Variants in LHFPL6 observed in about 807,000 individuals in gnomAD.
The protein encoded by LHFPL6 is LHFPL tetraspan subfamily member 6 protein.
A neutral mutation model predicts 20.6 loss-of-function variants in LHFPL6; 9 were observed. That is an observed-to-expected ratio of 0.44 (90% CI 0.26 to 0.76). The LOEUF is 0.76. LHFPL6 is among the 30% of genes least tolerant of loss of function. The probability of loss-of-function intolerance (pLI) is 0.20; values close to 1 mark genes in which losing one functional copy is unlikely to be tolerated. For missense variants in LHFPL6, 218 were observed against 253.5 expected (o/e 0.86, Z 0.95); for synonymous variants, 105 against 98.7 (o/e 1.06, Z -0.38).
chr13:39,404,319 C>A (rs1416446479), intron 2 of LHFPL6, among the ~76,000 whole-genome samples: 1 of 152,176 alleles, frequency 6.6e-6, no homozygotes, highest in Non-Finnish European at 1.5e-5. Context: ...TCACCCTGAT[C>A]CAACAAGCAA....
In LHFPL6 at chr13:39,352,968, C is replaced by CATAT. The variant is rs1303719891; in HGVS notation, c.485-8915_485-8914insATAT. Among the ~76,000 whole-genome samples, 45 of 85,934 alleles carry CATAT rather than the reference C, an allele frequency of 5.2e-4. 1 individual carries two copies. The highest frequency in any genetic ancestry group is 4.1e-4 in the Non-Finnish European group (20 of 48,972). 56.4% of individuals were successfully genotyped at this position (85,934 alleles called of 152,430 possible). A position where few individuals can be genotyped will look rare whatever the true frequency, so the allele number is the denominator to read the frequency against. ...ATATATATATACATACATACACACA[C>CATAT]ACACATATATATATATATATAATTT... On this transcript the variant is annotated intron_variant, in intron 3 of 3. Coordinates refer to ENST00000379589, the MANE Select transcript of LHFPL6 (RefSeq NM_005780.3).
At chr13:39,448,262 A>G (rs1195301307) in intron 2 of LHFPL6, among the ~76,000 whole-genome samples, 2 of 152,212 alleles carry the variant, frequency 1.3e-5, no homozygotes, top group Non-Finnish European at 2.9e-5. Flanking sequence ...GCTCTTGTCT[A>G]TTGGCCTCAG....
At chr13:39,455,907 T>C (rs1290418909) in intron 2 of LHFPL6, among the ~76,000 whole-genome samples, 3 of 152,230 alleles carry the variant, frequency 2.0e-5, no homozygotes, top group African/African-American at 7.2e-5. Context: ...AACCATGTTA[T>C]GAATACGGAA....
At chr13:39,567,624 C>G (rs549928253) in intron 2 of LHFPL6, among the ~76,000 whole-genome samples, 1 of 151,970 alleles carries the variant, frequency 6.6e-6, no homozygotes, top group East Asian at 1.9e-4. Flanking sequence ...TCTCCTCTTC[C>G]CTCTCCTCCT....
At chr13:39,415,360 G>T (rs1871322067) in intron 2 of LHFPL6, among the ~76,000 whole-genome samples, 1 of 152,152 alleles carries the variant, frequency 6.6e-6, no homozygotes, top group South Asian at 2.1e-4. Flanking sequence ...GTTCAGCAAA[G>T]TTGAGGAAAA....
rs1005671667 is a variant in LHFPL6 at position 39,562,455 on chromosome 13, T to C, written c.385+38377A>G. ...ACATATATACATATATACACATATATACATATATACACATATACACATATA... is the reference window on the plus strand; with the variant it reads ...ACATATATACATATATACACATATACACATATATACACATATACACATATA... On this transcript the variant is annotated intron_variant, in intron 2 of 3. Coordinates refer to ENST00000379589, the MANE Select transcript of LHFPL6 (RefSeq NM_005780.3). 5.9e-4 allele frequency among the ~76,000 whole-genome samples: 82 copies of C among 139,844 alleles called. 1 individual carries two copies. The highest frequency in any genetic ancestry group is 7.6e-4 in the Admixed American group (10 of 13,184). The allele number at this position is 139,844 out of a possible 152,430, so 91.7% of individuals were successfully genotyped here. A position where few individuals can be genotyped will look rare whatever the true frequency, so the allele number is the denominator to read the frequency against.
At chr13:39,549,648 G>T (rs1209231613) in intron 2 of LHFPL6, among the ~76,000 whole-genome samples, 2 of 152,082 alleles carry the variant, frequency 1.3e-5, no homozygotes, top group South Asian at 2.1e-4. Context: ...TAACCCAGCA[G>T]TCTTAATCCT....
In LHFPL6 at chr13:39,450,683, G is replaced by A. The variant is rs147718489; in HGVS notation, c.386-72157C>T. Among the ~76,000 whole-genome samples, 415 of 152,250 alleles carry A rather than the reference G, an allele frequency of 2.7e-3. 12 individuals carry two copies. In the East Asian group the frequency reaches 0.051, roughly 19 times the overall value. On this transcript the variant is annotated intron_variant, in intron 2 of 3. Transcript: ENST00000379589. ...GCTTCTTGATTTGAACCACTAAATA[G>A]TGGGGTTTTGGTAGGTCTGAACCAA... is the stretch of plus-strand genomic sequence containing the variant.
intron 2 of LHFPL6, among the ~76,000 whole-genome samples, chr13:39,393,488 G>A (rs1371115445): frequency 1.3e-5 from 2 of 152,198 alleles, no homozygotes; most frequent in African/African-American, 4.8e-5. Context: ...ATTCTGAGAA[G>A]TAGACGTGGT....
At chr13:39,452,233 G>A (rs940443074) in intron 2 of LHFPL6, among the ~76,000 whole-genome samples, 1 of 152,134 alleles carries the variant, frequency 6.6e-6, no homozygotes, top group Non-Finnish European at 1.5e-5. Context: ...TCCAGACAAG[G>A]CTTCACAGAA....
At chr13:39,393,550 C>T (rs117456254) in intron 2 of LHFPL6, among the ~76,000 whole-genome samples, 3,794 of 152,134 alleles carry the variant, frequency 0.025, 62 homozygotes, top group Non-Finnish European at 0.038. Flanking sequence ...AAAATGAAAA[C>T]AAGAGCAAGT....
intron 2 of LHFPL6, among the ~76,000 whole-genome samples, chr13:39,392,048 G>C (rs1268137603): frequency 6.6e-6 from 1 of 152,094 alleles, no homozygotes; most frequent in Non-Finnish European, 1.5e-5. Flanking sequence ...AACAAGTTTT[G>C]AAAGTACTTG....
At chr13:39,345,080 C>A (rs142810101) in intron 3 of LHFPL6, among the ~76,000 whole-genome samples, 1 of 152,168 alleles carries the variant, frequency 6.6e-6, no homozygotes, top group African/African-American at 2.4e-5. Flanking sequence ...ATTTTTCAGC[C>A]GGTCTTACCA....
At chr13:39,347,706 T>C (rs1869447160) in intron 3 of LHFPL6, among the ~76,000 whole-genome samples, 1 of 152,210 alleles carries the variant, frequency 6.6e-6, no homozygotes, top group South Asian at 2.1e-4. Flanking sequence ...GTTGTGAGTC[T>C]TGGGAATAAT....
intron 2 of LHFPL6, among the ~76,000 whole-genome samples, chr13:39,525,522 CTAATT>C (rs1336120485): frequency 6.6e-6 from 1 of 152,124 alleles, no homozygotes; most frequent in Non-Finnish European, 1.5e-5. Context: ...ACGTCACTCA[CTAATT>C]TAAGATCAAC....
intron 2 of LHFPL6, among the ~76,000 whole-genome samples, chr13:39,478,993 ATTTCT>A (rs1868402063): frequency 6.6e-6 from 1 of 150,970 alleles, no homozygotes. Flanking sequence ...ATAAAATGAG[ATTTCT>A]TTATTATATA....
Position 39,601,190 on chromosome 13 carries a change from T to C in LHFPL6, c.27A>G (p.Gly9=), listed in dbSNP as rs764062347. ...GAAAAGACAGCAAAGCCCAGATTAC[T>C]CCAGTACAAGTCAGGCTGGATGCCA... MASSLTCT[G]VIWALLSFLC... The change falls in exon 2 of 4, where the codon GGA becomes GGG. Residue 9 remains glycine, a synonymous_variant. Transcript: ENST00000379589. The C allele has an allele frequency of 1.1e-5, 17 of 1,613,082 alleles. No individual in the cohort carries two copies. Among genetic ancestry groups the C allele is most frequent in the Admixed American group, 1.0e-4 (6 of 59,944 alleles).
chr13:39,515,873 A>G (rs1480760851), intron 2 of LHFPL6, among the ~76,000 whole-genome samples: 1 of 152,212 alleles, frequency 6.6e-6, no homozygotes, highest in Non-Finnish European at 1.5e-5. Flanking sequence ...GAAAATTACT[A>G]TGGAAATACA....
chr13:39,518,305 C>A (rs1239271954), intron 2 of LHFPL6, among the ~76,000 whole-genome samples: 1 of 151,996 alleles, frequency 6.6e-6, no homozygotes, highest in Non-Finnish European at 1.5e-5. Context: ...ATTAAAGTAC[C>A]AACACTTTAG....
Sources: allele counts gnomAD v4.1 joint callset (sites outside exome capture counted in the v4.1 genomes callset), GRCh38; gene constraint gnomAD v4.1.1; transcripts MANE v1.5; gene names NCBI Gene and HGNC (gene_info 2026-07-23, HGNC 2026-07-21).